Variants in CDH8 observed in about 807,000 individuals in gnomAD.
CDH8 encodes the protein cadherin 8.
Under a neutral mutation model 68.1 loss-of-function variants are expected in CDH8, and 17 were observed. The observed-to-expected ratio is 0.25, with a 90% CI of 0.17 to 0.37. The LOEUF (loss-of-function observed/expected upper bound fraction) is 0.37. Ranked by LOEUF, CDH8 falls within the 10% of genes least tolerant of loss-of-function variation. CDH8 has a pLI of 1.00. For synonymous variants in CDH8, 372 were observed against 365.1 expected (o/e 1.02, Z -0.21); for missense variants, 763 against 999.3 (o/e 0.76, Z 3.19).
chr16:61,918,866 C>T lies in CDH8; in HGVS notation c.253-17393G>A, dbSNP rs530240918. Among the ~76,000 whole-genome samples the T allele has an allele frequency of 2.1e-4, 31 of 151,146 alleles. No individual in the cohort carries two copies. The Middle Eastern group carries it at 0.014, about 66-fold the overall frequency. The stretch of plus-strand genomic sequence containing the variant: ...GTAGGCTCCACCTCTGGGGGCAGGG[C>T]ACAGACAAACAAAAAGACAGCAGTA... On this transcript the variant is annotated intron_variant, in intron 2 of 11. Coordinates refer to ENST00000577390, the MANE Select transcript of CDH8 (RefSeq NM_001796.5).
chr16:61,788,848 A>T (rs1961306849), intron 8 of CDH8, among the ~76,000 whole-genome samples: 1 of 151,968 alleles, frequency 6.6e-6, no homozygotes, highest in Non-Finnish European at 1.5e-5. Context: ...AATACATTAG[A>T]CTCTAAAAAA....
chr16:61,861,959 A>C (rs959007912), intron 3 of CDH8, among the ~76,000 whole-genome samples: 3 of 152,212 alleles, frequency 2.0e-5, no homozygotes, highest in South Asian at 2.1e-4. Context: ...GATGGTAGTG[A>C]ATGCTTTAAT....
chr16:61,900,666 G>A (rs565856391), intron 3 of CDH8, among the ~76,000 whole-genome samples: 182 of 152,234 alleles, frequency 1.2e-3, no homozygotes, highest in Non-Finnish European at 2.0e-3. Flanking sequence ...TTGTTAAGAT[G>A]GACACAAATA....
At chr16:61,713,553 G>C (rs747747345) in intron 10 of CDH8, among the ~76,000 whole-genome samples, 11 of 151,568 alleles carry the variant, frequency 7.3e-5, no homozygotes, top group Admixed American at 2.6e-4. Context: ...AAAATACCTG[G>C]AAGCTTTCAC....
intron 8 of CDH8, among the ~76,000 whole-genome samples, chr16:61,741,444 T>C (rs1222724460): frequency 1.3e-5 from 2 of 152,314 alleles, no homozygotes; most frequent in East Asian, 3.9e-4. Flanking sequence ...TTTTCATTCA[T>C]TATTTTCCTA....
At chr16:62,004,584 A>G (rs1965943511) in intron 2 of CDH8, among the ~76,000 whole-genome samples, 1 of 150,784 alleles carries the variant, frequency 6.6e-6, no homozygotes, top group African/African-American at 2.5e-5. Context: ...TAATGGTTTC[A>G]GAAATGTATC....
At chr16:62,019,206 T>C (rs1207959540) in intron 2 of CDH8, among the ~76,000 whole-genome samples, 1 of 152,190 alleles carries the variant, frequency 6.6e-6, no homozygotes, top group African/African-American at 2.4e-5. Flanking sequence ...TATCCAGAAG[T>C]AGGCATGTAA....
intron 8 of CDH8, among the ~76,000 whole-genome samples, chr16:61,782,504 G>T (rs527723243): frequency 6.6e-6 from 1 of 151,972 alleles, no homozygotes; most frequent in African/African-American, 2.4e-5. Context: ...CAGCAGCGAG[G>T]CTGGGGGAGG....
intron 3 of CDH8, among the ~76,000 whole-genome samples, chr16:61,864,541 C>T (rs935192877): frequency 2.0e-5 from 3 of 152,126 alleles, no homozygotes; most frequent in Non-Finnish European, 2.9e-5. Flanking sequence ...GCAAATTCCC[C>T]CAGCAGGAAG....
chr16:61,769,479 T>A (rs917971883), intron 8 of CDH8, among the ~76,000 whole-genome samples: 2 of 151,760 alleles, frequency 1.3e-5, no homozygotes, highest in Non-Finnish European at 2.9e-5. Context: ...CATACCTTTC[T>A]GTCTAAATCT....
intron 8 of CDH8, among the ~76,000 whole-genome samples, chr16:61,751,796 C>G (rs1208863836): frequency 6.6e-6 from 1 of 151,954 alleles, no homozygotes; most frequent in African/African-American, 2.4e-5. Flanking sequence ...CTTTCTAGTT[C>G]AAATATTTGA....
intron 2 of CDH8, among the ~76,000 whole-genome samples, chr16:61,929,357 G>A (rs1964504469): frequency 6.6e-6 from 1 of 152,088 alleles, no homozygotes; most frequent in Non-Finnish European, 1.5e-5. Flanking sequence ...TGAATCCAGA[G>A]CTCTTTCTCT....
In CDH8 at chr16:61,743,968, A is replaced by G. The variant is rs114241580; in HGVS notation, c.1415-16753T>C. On this transcript the variant is annotated intron_variant, in intron 8 of 11. Coordinates refer to ENST00000577390, the MANE Select transcript of CDH8 (RefSeq NM_001796.5). Reference sequence around the variant, plus strand: ...ATTTTCAATACTTAAGAATAATTTAAGTTTTTGTTGTTGTTACTCATTTTT... The same window carrying G: ...ATTTTCAATACTTAAGAATAATTTAGGTTTTTGTTGTTGTTACTCATTTTT... 1.0e-2 allele frequency among the ~76,000 whole-genome samples: 1,520 copies of G among 152,172 alleles called. 36 individuals carry two copies. The highest frequency in any genetic ancestry group is 0.034 in the African/African-American group (1,425 of 41,528).
intron 4 of CDH8, among the ~76,000 whole-genome samples, chr16:61,847,130 T>G (rs1484223081): frequency 1.3e-5 from 2 of 152,072 alleles, no homozygotes; most frequent in African/African-American, 4.8e-5. Flanking sequence ...AGCCCATTTT[T>G]CTAACCATGT....
In CDH8 at chr16:61,919,284, C is replaced by T. The variant is rs1368663052; in HGVS notation, c.253-17811G>A. Among the ~76,000 whole-genome samples the T allele has an allele frequency of 4.0e-5, 6 of 148,500 alleles. No homozygotes were observed. The Admixed American group carries it at 4.1e-4, about 10-fold the overall frequency. On this transcript the variant is annotated intron_variant, in intron 2 of 11. Transcript: ENST00000577390. ...TCTCCTCCTCCAAAGGAACGCAGTT[C>T]CTCACCAGCAACGGAACAAAGCTGG...
chr16:61,941,912 C>T (rs974632912), intron 2 of CDH8, among the ~76,000 whole-genome samples: 4 of 152,130 alleles, frequency 2.6e-5, no homozygotes, highest in Non-Finnish European at 5.9e-5. Context: ...CTTATCTCAT[C>T]CTTTGATCTC....
chr16:61,787,173 A>G (rs1309489946), intron 8 of CDH8, among the ~76,000 whole-genome samples: 2 of 151,946 alleles, frequency 1.3e-5, no homozygotes, highest in South Asian at 2.1e-4. Flanking sequence ...CTGGGAGAAA[A>G]TTTTCGCAAC....
intron 2 of CDH8, among the ~76,000 whole-genome samples, chr16:62,002,833 C>T (rs1262879897): frequency 6.6e-6 from 1 of 152,116 alleles, no homozygotes; most frequent in East Asian, 1.9e-4. Context: ...GTGGGCGGAT[C>T]ACGAGGTCAG....
At chr16:61,948,346 A>G (rs1964833477) in intron 2 of CDH8, among the ~76,000 whole-genome samples, 1 of 152,174 alleles carries the variant, frequency 6.6e-6, no homozygotes, top group Non-Finnish European at 1.5e-5. Flanking sequence ...ACACAGCCAA[A>G]ATCTAACATC....
Sources: allele counts gnomAD v4.1 joint callset (sites outside exome capture counted in the v4.1 genomes callset), GRCh38; gene constraint gnomAD v4.1.1; transcripts MANE v1.5; gene names NCBI Gene and HGNC (gene_info 2026-07-23, HGNC 2026-07-21).